The following IL20RA variants were observed in gnomAD, a reference collection of about 807,000 sequenced individuals.
IL20RA encodes interleukin-20 receptor subunit alpha.
In IL20RA, 29 loss-of-function variants were observed where a neutral mutation model predicts 36.5. That is an observed-to-expected ratio of 0.79 (90% confidence interval 0.59 to 1.08). The LOEUF (loss-of-function observed/expected upper bound fraction) is 1.08. Among genes scored for constraint, IL20RA ranks in the 50% least tolerant of loss-of-function variants. The probability of loss-of-function intolerance (pLI) is 0.00; values close to 1 mark genes in which losing one functional copy is unlikely to be tolerated. For missense variants in IL20RA, 652 were observed against 668.4 expected, an observed-to-expected ratio of 0.98 and a Z score of 0.27; for synonymous variants, 279 against 267.1, an observed-to-expected ratio of 1.04 and a Z score of -0.43.
Position 137,001,759 on chromosome 6 carries a change from G to T in IL20RA, c.1461C>A (p.Gly487=), listed in dbSNP as rs368530776. The change falls in exon 7 of 7, where the codon GGC becomes GGA. Residue 487 remains glycine (G), a synonymous_variant. Coordinates refer to ENST00000316649, the MANE Select transcript of IL20RA (RefSeq NM_014432.4). The part of the protein sequence containing the change: ...TTLVDWDPQT[G]RLCIPSLSSF... ...TGGACAGCGAAGGAATACACAGCCTGCCAGTTTGGGGATCCCAGTCGACCA... is the reference window on the plus strand; with the variant it reads ...TGGACAGCGAAGGAATACACAGCCTTCCAGTTTGGGGATCCCAGTCGACCA... 230 of 1,612,378 alleles carry T rather than the reference G, an allele frequency of 1.4e-4. 2 individuals are homozygous for T. In the Middle Eastern group the frequency reaches 2.1e-3, roughly 15 times the overall value.
At position 137,044,881 on chromosome 6, in the gene IL20RA, G is replaced by C; in HGVS notation, c.-153C>G. Reference sequence around the variant, plus strand: ...TGAGTCCCAGGGCGCCTCCGCCACAGCCGCGTCCCCCAGGCTTCCCCAGAA... The same window carrying C: ...TGAGTCCCAGGGCGCCTCCGCCACACCCGCGTCCCCCAGGCTTCCCCAGAA... On this transcript the variant is annotated 5_prime_UTR_variant, in exon 1 of 7. Coordinates refer to ENST00000316649, the MANE Select transcript of IL20RA (RefSeq NM_014432.4). 1 of 648,836 alleles carries C rather than the reference G, an allele frequency of 1.5e-6. No homozygotes were observed. The highest frequency in any genetic ancestry group is 4.0e-5 in the East Asian group (1 of 24,752). The allele number at this position is 648,836 out of a possible 1,614,324, so 40.2% of individuals were successfully genotyped here.
intron 1 of IL20RA, among the ~76,000 whole-genome samples, chr6:137,019,521 A>G (rs1028207840): frequency 3.3e-5 from 5 of 152,318 alleles, no homozygotes; most frequent in Middle Eastern, 3.4e-3. Flanking sequence ...ACTTGGAGTA[A>G]AAGAAATAGA....
intron 1 of IL20RA, among the ~76,000 whole-genome samples, chr6:137,038,288 T>C (rs1323632072): frequency 7.6e-6 from 1 of 131,626 alleles, no homozygotes; most frequent in African/African-American, 2.9e-5. Context: ...CGATCATAGC[T>C]CACTGCAGCC....
rs573356064 is a variant in IL20RA at position 137,026,171 on chromosome 6, C to T, written c.89-9068G>A. 5.9e-5 allele frequency among the ~76,000 whole-genome samples: 9 copies of T among 152,286 alleles called. No individual in the cohort carries two copies. The South Asian group carries it at 6.2e-4, about 11-fold the overall frequency. ...TGCTCCACCTTGCTCAGAAAAAGTC[C>T]CCAGATGTCCTACCCCCTTTAGCCT... On this transcript the variant is annotated intron_variant, in intron 1 of 6. Transcript: ENST00000316649.
chr6:137,009,523 G>A (rs1304987116), intron 3 of IL20RA, 31 bp from the exon 4 acceptor site: 2 of 1,413,266 alleles, frequency 1.4e-6, no homozygotes, highest in Non-Finnish European at 2.0e-6. Context: ...GTATTATCAT[G>A]TTCAGATGAA....
rs5880323 is a variant in IL20RA at position 137,004,764 on chromosome 6, T to TAA, written c.725-6_725-5dup. 1.7e-4 allele frequency: 248 copies of TAA among 1,444,286 alleles called. No homozygotes were observed. In the African/African-American group the frequency reaches 2.9e-3, roughly 17 times the overall value. The allele number at this position is 1,444,286 out of a possible 1,614,324, so 89.5% of individuals were successfully genotyped here. A position where few individuals can be genotyped will look rare whatever the true frequency, so the allele number is the denominator to read the frequency against. ...GCCTTGAACTCTGATGATTGATCTG[T>TAA]AAAAAAAAAAAAAAAGGTGGGAATT... is the stretch of plus-strand genomic sequence containing the variant. On this transcript the variant is annotated splice_polypyrimidine_tract_variant and splice_region_variant and intron_variant, in intron 5 of 6. Transcript: ENST00000316649.
chr6:137,044,035 G>T lies in IL20RA; in HGVS notation c.88+606C>A. 1 of 874,664 alleles carries T rather than the reference G, an allele frequency of 1.1e-6. No homozygotes were observed. The highest frequency in any genetic ancestry group is 1.4e-6 in the Non-Finnish European group (1 of 728,888). 54.2% of individuals were successfully genotyped at this position (874,664 alleles called of 1,614,324 possible). ...TCTGAAAAATCAAAGAGCACTATCT[G>T]TACATGGTCATAACTGCAAAGGAAA... On this transcript the variant is annotated intron_variant, in intron 1 of 6. Coordinates refer to ENST00000316649, the MANE Select transcript of IL20RA (RefSeq NM_014432.4).
At position 137,004,707 on chromosome 6, in the gene IL20RA, A is replaced by G; in HGVS notation, c.778T>C (p.Ser260Pro). 6.2e-7 allele frequency: 1 copy of G among 1,609,720 alleles called. No homozygotes were observed. Among genetic ancestry groups the G allele is most frequent in the Non-Finnish European group, 8.5e-7 (1 of 1,178,300 alleles). ...KIIFWYVLPV[S>P]ITVFLFSVMG... ...ACAGAAAAAAGAAACACGGTAATAG[A>G]TACGGGCAAAACATACCAGAAGATG... Residue 260 changes from serine to proline, a missense_variant, in exon 6 of 7, where the codon TCT (serine) becomes CCT (proline). Ser to Pro is a moderately conservative substitution (Grantham distance 74, BLOSUM62 -1). Coordinates refer to ENST00000316649, the MANE Select transcript of IL20RA (RefSeq NM_014432.4).
intron 1 of IL20RA, among the ~76,000 whole-genome samples, chr6:137,043,929 G>T (rs76129848): frequency 0.03 from 4,609 of 152,278 alleles, 247 homozygotes; most frequent in African/African-American, 0.1. Flanking sequence ...AATTGGTAGA[G>T]AATTTAAACT....
chr6:137,005,986 T>C (rs1315426766), intron 5 of IL20RA, among the ~76,000 whole-genome samples: 1 of 152,214 alleles, frequency 6.6e-6, no homozygotes, highest in Non-Finnish European at 1.5e-5. Context: ...ATGTATTCTA[T>C]TGGTCCTGTT....
At chr6:137,008,525 G>T in intron 5 of IL20RA, 74 bp downstream of exon 5, 1 of 1,432,614 alleles carries the variant, frequency 7.0e-7, no homozygotes. Context: ...TCAAAACCTT[G>T]TCTAAACCAT....
chr6:137,006,337 A>G lies in IL20RA; in HGVS notation c.725-1577T>C, dbSNP rs368876566. On this transcript the variant is annotated intron_variant, in intron 5 of 6. Transcript: ENST00000316649. ...CCAGGTTCCACACAGAGACGTGCCAATGCTGTGATGCGGATGCTGCGGGTG... is the reference window on the plus strand; with the variant it reads ...CCAGGTTCCACACAGAGACGTGCCAGTGCTGTGATGCGGATGCTGCGGGTG... 1.6e-4 allele frequency among the ~76,000 whole-genome samples: 25 copies of G among 152,296 alleles called. No individual in the cohort carries two copies. The South Asian group carries it at 5.2e-3, about 32-fold the overall frequency.
intron 1 of IL20RA, among the ~76,000 whole-genome samples, chr6:137,041,402 T>C (rs1226767062): frequency 1.3e-5 from 2 of 152,348 alleles, no homozygotes; most frequent in South Asian, 2.1e-4. Context: ...GATGTTTTAA[T>C]TGGGAGAAAC....
chr6:137,001,643 G>A lies in IL20RA; in HGVS notation c.1577C>T (p.Ala526Val). ...GLLSRLYEEP[A>V]PDRPPGENET... The stretch of plus-strand genomic sequence containing the variant: ...ATTTTCTCCTGGTGGCCTGTCTGGA[G>A]CCGGCTCCTCATAGAGTCTAGATAG... Residue 526 changes from alanine to valine, a missense_variant, in exon 7 of 7, where the codon GCT becomes GTT. Physicochemically the swap from Ala to Val is moderately conservative, Grantham distance 64. Coordinates refer to ENST00000316649, the MANE Select transcript of IL20RA (RefSeq NM_014432.4). 5 of 1,613,804 alleles carry A rather than the reference G, an allele frequency of 3.1e-6. No homozygotes were observed. Among genetic ancestry groups the A allele is most frequent in the Non-Finnish European group, 4.2e-6 (5 of 1,179,800 alleles).
intron 1 of IL20RA, among the ~76,000 whole-genome samples, chr6:137,027,267 AG>A (rs1264309560): frequency 6.6e-6 from 1 of 152,202 alleles, no homozygotes; most frequent in African/African-American, 2.4e-5. Flanking sequence ...TCGTCTATAA[AG>A]GACAGAGCAC....
At chr6:137,019,021 G>A (rs1184812461) in intron 1 of IL20RA, among the ~76,000 whole-genome samples, 1 of 152,166 alleles carries the variant, frequency 6.6e-6, no homozygotes, top group South Asian at 2.1e-4. Context: ...GGCAACATGA[G>A]TTTGGAGATA....
In IL20RA at chr6:137,002,286, T is replaced by C; in HGVS notation, c.934A>G (p.Ile312Val). ...GAATCATCCGAGATATTGAGGGTGA[T>C]AAAGTTAATCACGATTTTTTCAGCA... Reference protein sequence around the residue: ...VPAEKIVINFITLNISDDSKI... With the variant: ...VPAEKIVINFVTLNISDDSKI... Residue 312 changes from isoleucine (I) to valine (V), a missense_variant, in exon 7 of 7, where the codon ATC (isoleucine) becomes GTC (valine). By Grantham distance (29) the Ile-to-Val change is conservative. Coordinates refer to ENST00000316649, the MANE Select transcript of IL20RA (RefSeq NM_014432.4). 1 of 1,610,754 alleles carries C rather than the reference T, an allele frequency of 6.2e-7. No homozygotes were observed. Among genetic ancestry groups the C allele is most frequent in the Non-Finnish European group, 8.5e-7 (1 of 1,179,102 alleles).
intron 1 of IL20RA, among the ~76,000 whole-genome samples, chr6:137,025,697 AC>A (rs779540381): frequency 1.3e-5 from 2 of 152,246 alleles, no homozygotes; most frequent in Non-Finnish European, 2.9e-5. Flanking sequence ...TCTAAGAGTT[AC>A]CTTGAATACA....
intron 6 of IL20RA, 40 bp from the exon 7 acceptor site, chr6:137,002,395 T>G: frequency 7.3e-7 from 1 of 1,372,992 alleles, no homozygotes; most frequent in Non-Finnish European, 1.0e-6. Flanking sequence ...CTTTTCACTT[T>G]AGAGAGACAT....
Sources: allele counts gnomAD v4.1 joint callset (sites outside exome capture counted in the v4.1 genomes callset), GRCh38; gene constraint gnomAD v4.1.1; transcripts MANE v1.5; gene names NCBI Gene and HGNC (gene_info 2026-07-23, HGNC 2026-07-21).